GMEB1: variants seen among roughly 807,000 people sequenced by gnomAD.
GMEB1 encodes the protein glucocorticoid modulatory element binding protein 1.
In GMEB1, 6 loss-of-function variants were observed where a neutral mutation model predicts 52.4. That is an observed-to-expected ratio of 0.11 (90% CI 0.06 to 0.23). GMEB1 has a LOEUF of 0.23. Ranked by LOEUF, GMEB1 falls within the 10% of genes least tolerant of loss-of-function variation. GMEB1 has a pLI of 1.00. For missense variants in GMEB1, 486 were observed against 685.6 expected (o/e 0.71, Z 3.25); for synonymous variants, 255 against 244.9 (o/e 1.04, Z -0.38).
At chr1:28,676,307 GA>G (rs1230213830) in intron 1 of GMEB1, among the ~76,000 whole-genome samples, 2 of 152,218 alleles carry the variant, frequency 1.3e-5, no homozygotes, top group South Asian at 2.1e-4. Context: ...TCCCTAATCT[GA>G]AAATCTGAAA....
At chr1:28,679,040 A>C (rs1259774088) in intron 1 of GMEB1, among the ~76,000 whole-genome samples, 4 of 151,782 alleles carry the variant, frequency 2.6e-5, no homozygotes, top group African/African-American at 9.7e-5. Context: ...CCTCCGGCTA[A>C]TTATGCCTGG....
Position 28,715,957 on chromosome 1 carries a change from G to A in GMEB1, c.*1184G>A, listed in dbSNP as rs1279045015. On this transcript the variant is annotated 3_prime_UTR_variant, in exon 10 of 10. Transcript: ENST00000373816. The stretch of plus-strand genomic sequence containing the variant: ...AAATACAAAAAAAAAAAATTAGCTG[G>A]GCATGGTGGCACGCGCCTGTAATCC... The A allele has an allele frequency of 6.6e-6, 1 of 152,272 alleles. No individual in the cohort carries two copies. Among genetic ancestry groups the A allele is most frequent in the Non-Finnish European group, 1.5e-5 (1 of 68,182 alleles). 9.4% of individuals were successfully genotyped at this position (152,272 alleles called of 1,614,324 possible). A position where few individuals can be genotyped will look rare whatever the true frequency, so the allele number is the denominator to read the frequency against.
chr1:28,714,290 G>T lies in GMEB1; in HGVS notation c.1209G>T (p.Val403=). 6 of 1,614,120 alleles carry T rather than the reference G, an allele frequency of 3.7e-6. No individual in the cohort carries two copies. The highest frequency in any genetic ancestry group is 5.1e-6 in the Non-Finnish European group (6 of 1,179,998). ...TVISPITITP[V]GQSFSMGNIP... ...TCTCACCCATCACCATCACCCCAGT[G>T]GGTCAGTCATTTTCCATGGGCAATA... is the stretch of plus-strand genomic sequence containing the variant. The change falls in exon 10 of 10, where the codon GTG becomes GTT. Residue 403 remains valine (V), a synonymous_variant. Coordinates refer to ENST00000373816, the MANE Select transcript of GMEB1 (RefSeq NM_001319674.2).
In GMEB1 at chr1:28,702,078, CAG is replaced by C. The variant is rs56726149; in HGVS notation, c.599-359_599-358del. ...AATTATTTCAAGCTTTCTTCACCCT[CAG>C]TAAGTCTGGGGCTGGCAGGCTAGTA... On this transcript the variant is annotated intron_variant, in intron 6 of 9. Coordinates refer to ENST00000373816, the MANE Select transcript of GMEB1 (RefSeq NM_001319674.2). Among the ~76,000 whole-genome samples, 1,246 of 152,260 alleles carry C rather than the reference CAG, an allele frequency of 8.2e-3. 10 individuals are homozygous for C. Among genetic ancestry groups the C allele is most frequent in the African/African-American group, 0.026 (1,100 of 41,552 alleles).
intron 5 of GMEB1, among the ~76,000 whole-genome samples, chr1:28,693,662 A>G (rs924637036): frequency 5.3e-5 from 8 of 152,110 alleles, no homozygotes; most frequent in Non-Finnish European, 1.0e-4. Context: ...CATCTCGGCC[A>G]GGCTGGTCTT....
chr1:28,698,719 C>T lies in GMEB1; in HGVS notation c.598+1635C>T, dbSNP rs142275795. Among the ~76,000 whole-genome samples the T allele has an allele frequency of 2.0e-5, 3 of 151,592 alleles. No individual in the cohort carries two copies. The East Asian group carries it at 5.9e-4, about 30-fold the overall frequency. On this transcript the variant is annotated intron_variant, in intron 6 of 9. Transcript: ENST00000373816. Reference sequence around the variant, plus strand: ...AATGCTTTGCAGCTGTGCTTTGGCTCACGCCTGTAATCCTAGCACTTTGGG... The same window carrying T: ...AATGCTTTGCAGCTGTGCTTTGGCTTACGCCTGTAATCCTAGCACTTTGGG...
In GMEB1 at chr1:28,716,741, T is replaced by G. The variant is rs552459549; in HGVS notation, c.*1968T>G. The G allele has an allele frequency of 1.1e-4, 15 of 139,392 alleles. No homozygotes were observed. The highest frequency in any genetic ancestry group is 5.2e-4 in the South Asian group (2 of 3,878). 8.6% of individuals were successfully genotyped at this position (139,392 alleles called of 1,614,324 possible). On this transcript the variant is annotated 3_prime_UTR_variant, in exon 10 of 10. Transcript: ENST00000373816. ...ACCAGGAATGTCAATAATAATGCTT[T>G]GGGGGGGGGGGTTATTTTGTTTTGT...
intron 1 of GMEB1, among the ~76,000 whole-genome samples, chr1:28,669,926 G>T (rs911811361): frequency 1.8e-4 from 28 of 152,160 alleles, no homozygotes; most frequent in African/African-American, 6.5e-4. Context: ...AGAGGGTGAA[G>T]TCTTGACCTA....
intron 1 of GMEB1, among the ~76,000 whole-genome samples, chr1:28,674,989 G>A (rs1419699388): frequency 7.2e-6 from 1 of 138,660 alleles, no homozygotes; most frequent in Admixed American, 7.4e-5. Context: ...AAAGTGCTGG[G>A]ATTACAGGCG....
At chr1:28,678,299 TTTTG>T (rs536317062) in intron 1 of GMEB1, among the ~76,000 whole-genome samples, 115 of 151,454 alleles carry the variant, frequency 7.6e-4, no homozygotes, top group African/African-American at 1.8e-3. Flanking sequence ...TTTCTAGTGT[TTTTG>T]TTTGTTTGTT....
At chr1:28,689,866 C>A in intron 2 of GMEB1, 1 of 385,472 alleles carries the variant, frequency 2.6e-6, no homozygotes. Flanking sequence ...AAATAAGTAG[C>A]AAAAATTACT....
At chr1:28,704,020 T>C (rs1670634684) in intron 7 of GMEB1, among the ~76,000 whole-genome samples, 172 bp from the exon 8 acceptor site, 1 of 152,100 alleles carries the variant, frequency 6.6e-6, no homozygotes, top group African/African-American at 2.4e-5. Context: ...CATAATTGGG[T>C]GCCCACTCAG....
chr1:28,688,388 T>C (rs1166631527), intron 2 of GMEB1, among the ~76,000 whole-genome samples: 1 of 152,098 alleles, frequency 6.6e-6, no homozygotes, highest in Non-Finnish European at 1.5e-5. Context: ...ACTGTGGAGG[T>C]AGTCATTGAT....
At chr1:28,671,892 G>A (rs1374369228) in intron 1 of GMEB1, among the ~76,000 whole-genome samples, 2 of 151,704 alleles carry the variant, frequency 1.3e-5, no homozygotes, top group Non-Finnish European at 2.9e-5. Flanking sequence ...GGAGGCGGGC[G>A]GATCACCTGA....
At chr1:28,702,121 G>A (rs1163848916) in intron 6 of GMEB1, among the ~76,000 whole-genome samples, 3 of 152,192 alleles carry the variant, frequency 2.0e-5, no homozygotes, top group African/African-American at 7.2e-5. Flanking sequence ...TGGCAGGCTA[G>A]TAGTAATGTC....
intron 2 of GMEB1, among the ~76,000 whole-genome samples, chr1:28,688,598 T>A (rs552887891): frequency 6.6e-6 from 1 of 152,272 alleles, no homozygotes; most frequent in South Asian, 2.1e-4. Flanking sequence ...CACTCCTAGT[T>A]ACTTTGGATG....
At chr1:28,709,745 TTTTATTTA>T (rs1392714881) in intron 8 of GMEB1, among the ~76,000 whole-genome samples, 2 of 152,028 alleles carry the variant, frequency 1.3e-5, no homozygotes, top group Non-Finnish European at 2.9e-5. Flanking sequence ...ACCGAGCTAA[TTTTATTTA>T]TTTATTTATT....
chr1:28,711,119 C>T (rs1162724230), intron 9 of GMEB1, among the ~76,000 whole-genome samples: 1 of 151,944 alleles, frequency 6.6e-6, no homozygotes, highest in Non-Finnish European at 1.5e-5. Flanking sequence ...AACCCTGTCT[C>T]TACTAAAAAT....
chr1:28,700,144 C>T (rs1402806250), intron 6 of GMEB1, among the ~76,000 whole-genome samples: 4 of 150,018 alleles, frequency 2.7e-5, no homozygotes, highest in Non-Finnish European at 4.4e-5. Flanking sequence ...CTGAGGCAGG[C>T]GGATCATGAG....
Sources: allele counts gnomAD v4.1 joint callset (sites outside exome capture counted in the v4.1 genomes callset), GRCh38; gene constraint gnomAD v4.1.1; transcripts MANE v1.5; gene names NCBI Gene and HGNC (gene_info 2026-07-23, HGNC 2026-07-21).